Variants in PDZRN4 observed in about 807,000 individuals in gnomAD.
The protein encoded by PDZRN4 is PDZ domain-containing RING finger protein 4.
Under a neutral mutation model 99.0 loss-of-function variants are expected in PDZRN4, and 70 were observed. That is an observed-to-expected ratio of 0.71 (90% CI 0.58 to 0.86). The LOEUF (loss-of-function observed/expected upper bound fraction) is 0.86. Among genes scored for constraint, PDZRN4 ranks in the 40% least tolerant of loss-of-function variants. The pLI is 0.00. For synonymous variants in PDZRN4, 551 were observed against 501.6 expected, an observed-to-expected ratio of 1.10 and a Z score of -1.32; for missense variants, 1,474 against 1,331.2, an observed-to-expected ratio of 1.11 and a Z score of -1.67.
At chr12:41,337,921 CT>C (rs1005900477) in intron 3 of PDZRN4, among the ~76,000 whole-genome samples, 1 of 151,842 alleles carries the variant, frequency 6.6e-6, no homozygotes, top group Non-Finnish European at 1.5e-5. Context: ...TATGTGCTGT[CT>C]TTTTTTTGTT....
chr12:41,234,311 G>A (rs1403496199), intron 3 of PDZRN4, among the ~76,000 whole-genome samples: 2 of 152,048 alleles, frequency 1.3e-5, no homozygotes, highest in African/African-American at 2.4e-5. Context: ...TTAGGAATAT[G>A]AGCAGCCAGG....
chr12:41,513,176 A>T (rs713288), intron 5 of PDZRN4, among the ~76,000 whole-genome samples: 1 of 151,960 alleles, frequency 6.6e-6, no homozygotes, highest in Non-Finnish European at 1.5e-5. Context: ...CTTTTAACAC[A>T]CATATTATTT....
At chr12:41,562,580 T>C (rs1337366070) in intron 7 of PDZRN4, among the ~76,000 whole-genome samples, 1 of 152,126 alleles carries the variant, frequency 6.6e-6, no homozygotes, top group Non-Finnish European at 1.5e-5. Context: ...AAATCAAAAA[T>C]CTTGCTGTCT....
chr12:41,211,651 T>A (rs749465809), intron 3 of PDZRN4, among the ~76,000 whole-genome samples: 3 of 151,980 alleles, frequency 2.0e-5, no homozygotes, highest in Non-Finnish European at 4.4e-5. Context: ...CATCTGTAGA[T>A]ACACTCTGCC....
chr12:41,223,956 A>G (rs889730255), intron 3 of PDZRN4, among the ~76,000 whole-genome samples: 6 of 152,232 alleles, frequency 3.9e-5, no homozygotes, highest in Admixed American at 3.9e-4. Flanking sequence ...ACGGCCTTCC[A>G]CTAAAGAGGC....
At chr12:41,296,907 A>T (rs1043992954) in intron 3 of PDZRN4, among the ~76,000 whole-genome samples, 1 of 152,160 alleles carries the variant, frequency 6.6e-6, no homozygotes, top group Non-Finnish European at 1.5e-5. Flanking sequence ...GCAGTGAGCC[A>T]TGATCATGCC....
In PDZRN4 at chr12:41,188,801, G is replaced by C. The variant is rs10879831; in HGVS notation, c.346G>C (p.Gly116Arg). 852,226 of 1,349,686 alleles carry C rather than the reference G, an allele frequency of 0.63. 270,133 individuals carry two copies. The highest frequency in any genetic ancestry group is 0.68 in the South Asian group (37,260 of 55,034). 83.6% of individuals were successfully genotyped at this position (1,349,686 alleles called of 1,614,324 possible). ...FGPARRLRSR[G>R]GCASGLGGGE... is the part of the protein sequence containing the mutation. Reference sequence around the variant, plus strand: ...CCCTGCCCGCCGGCTCCGCAGCCGCGGGGGCTGCGCTTCGGGGCTGGGCGG... The same window carrying C: ...CCCTGCCCGCCGGCTCCGCAGCCGCCGGGGCTGCGCTTCGGGGCTGGGCGG... The change falls in exon 1 of 10, where the codon GGG becomes CGG. Residue 116 changes from glycine (G) to arginine (R), a missense_variant. Coordinates refer to ENST00000402685, the MANE Select transcript of PDZRN4 (RefSeq NM_001164595.2).
chr12:41,330,989 T>C (rs1431371618), intron 3 of PDZRN4, among the ~76,000 whole-genome samples: 1 of 152,106 alleles, frequency 6.6e-6, no homozygotes, highest in Non-Finnish European at 1.5e-5. Flanking sequence ...CCATAACAAT[T>C]GAGACCAAAA....
chr12:41,518,887 G>A (rs1034912605), intron 5 of PDZRN4, among the ~76,000 whole-genome samples: 4 of 151,980 alleles, frequency 2.6e-5, no homozygotes, highest in Non-Finnish European at 5.9e-5. Flanking sequence ...GTTAGAGGCT[G>A]TAGTGAGCTC....
intron 3 of PDZRN4, among the ~76,000 whole-genome samples, chr12:41,446,796 A>G (rs1952732522): frequency 6.6e-6 from 1 of 151,870 alleles, no homozygotes; most frequent in African/African-American, 2.4e-5. Context: ...AACTTCATGG[A>G]ACAGCCAGAC....
At chr12:41,392,533 A>G (rs372078737) in intron 3 of PDZRN4, among the ~76,000 whole-genome samples, 72 of 152,282 alleles carry the variant, frequency 4.7e-4, no homozygotes, top group African/African-American at 1.7e-3. Flanking sequence ...ATATTACCAG[A>G]GTATGATATG....
At chr12:41,367,697 G>A (rs1012794470) in intron 3 of PDZRN4, among the ~76,000 whole-genome samples, 1 of 151,486 alleles carries the variant, frequency 6.6e-6, no homozygotes, top group Non-Finnish European at 1.5e-5. Context: ...TGTTCCATTT[G>A]GATTATAGCT....
At chr12:41,203,149 C>A (rs1305193628) in intron 3 of PDZRN4, among the ~76,000 whole-genome samples, 2 of 151,234 alleles carry the variant, frequency 1.3e-5, no homozygotes, top group East Asian at 1.9e-4. Flanking sequence ...GAAAAAAAAA[C>A]CTGTTATTGA....
At chr12:41,529,316 G>T (rs1017216202) in intron 5 of PDZRN4, among the ~76,000 whole-genome samples, 3 of 152,096 alleles carry the variant, frequency 2.0e-5, no homozygotes, top group Admixed American at 6.6e-5. Flanking sequence ...TTTATAAGCT[G>T]AAGGAAACGT....
At chr12:41,295,929 A>G (rs1951490457) in intron 3 of PDZRN4, among the ~76,000 whole-genome samples, 1 of 152,184 alleles carries the variant, frequency 6.6e-6, no homozygotes, top group South Asian at 2.1e-4. Context: ...AGATGAGATA[A>G]TGTTGAAGAT....
At chr12:41,268,589 T>C (rs1292562733) in intron 3 of PDZRN4, among the ~76,000 whole-genome samples, 1 of 152,206 alleles carries the variant, frequency 6.6e-6, no homozygotes, top group African/African-American at 2.4e-5. Context: ...ACTTTTTCCC[T>C]CAAAGACAGT....
At chr12:41,505,654 G>A (rs1938193890) in intron 3 of PDZRN4, among the ~76,000 whole-genome samples, 1 of 149,526 alleles carries the variant, frequency 6.7e-6, no homozygotes. Context: ...CTGTTGAAAA[G>A]CAATGACTGA....
Position 41,567,842 on chromosome 12 carries a change from G to A in PDZRN4, c.1527G>A (p.Glu509=), listed in dbSNP as rs1278735311. The part of the protein sequence containing the change: ...RNEFLEELNL[E]MLEEEHNEAM... The stretch of plus-strand genomic sequence containing the variant: ...AATTCTTAGAGGAGTTAAACTTGGA[G>A]ATGTTGGAAGAAGAGCATAATGAAG... The change falls in exon 9 of 10, where the codon GAG becomes GAA. Residue 509 remains glutamate (E), a synonymous_variant. Coordinates refer to ENST00000402685, the MANE Select transcript of PDZRN4 (RefSeq NM_001164595.2). 6.2e-7 allele frequency: 1 copy of A among 1,613,542 alleles called. No homozygotes were observed. Among genetic ancestry groups the A allele is most frequent in the African/African-American group, 1.3e-5 (1 of 74,904 alleles).
chr12:41,297,873 T>C (rs1001334488), intron 3 of PDZRN4, among the ~76,000 whole-genome samples: 2 of 152,182 alleles, frequency 1.3e-5, no homozygotes, highest in African/African-American at 4.8e-5. Context: ...ATTATAGTCA[T>C]CCTCTAAGAG....
Sources: allele counts gnomAD v4.1 joint callset (sites outside exome capture counted in the v4.1 genomes callset), GRCh38; gene constraint gnomAD v4.1.1; transcripts MANE v1.5; gene names NCBI Gene and HGNC (gene_info 2026-07-23, HGNC 2026-07-21).